Variants in KIAA1217 observed in about 807,000 individuals in gnomAD.
The protein encoded by KIAA1217 is sickle tail protein homolog.
In KIAA1217, 88 loss-of-function variants were observed where a neutral mutation model predicts 163.9. That is an observed-to-expected ratio of 0.54 (90% CI 0.45 to 0.64). The LOEUF (loss-of-function observed/expected upper bound fraction) is 0.64, where lower values mean the gene tolerates loss of function less well. Ranked by LOEUF, KIAA1217 falls within the 30% of genes least tolerant of loss-of-function variation. KIAA1217 has a pLI of 0.00. For synonymous variants in KIAA1217, 903 were observed against 923.1 expected (o/e 0.98, Z 0.39); for missense variants, 2,372 against 2,475.0 (o/e 0.96, Z 0.88).
chr10:23,766,565 T>A (rs1367661106), intron 1 of KIAA1217, among the ~76,000 whole-genome samples: 6 of 150,934 alleles, frequency 4.0e-5, no homozygotes, highest in Admixed American at 3.9e-4. Flanking sequence ...TTCTTTTTCT[T>A]TTCTTTTTTT....
chr10:24,048,588 G>C (rs1331120332), intron 2 of KIAA1217, among the ~76,000 whole-genome samples: 1 of 152,074 alleles, frequency 6.6e-6, no homozygotes, highest in African/African-American at 2.4e-5. Flanking sequence ...AAATTAGCCA[G>C]GCGTGGTGGC....
chr10:23,800,414 G>A (rs954507279), intron 1 of KIAA1217, among the ~76,000 whole-genome samples: 20 of 151,964 alleles, frequency 1.3e-4, no homozygotes, highest in African/African-American at 2.7e-4. Context: ...CTGTGCTTTC[G>A]CTGGAGCTGG....
intron 1 of KIAA1217, among the ~76,000 whole-genome samples, chr10:23,723,792 A>G (rs757665100): frequency 1.3e-5 from 2 of 152,192 alleles, no homozygotes; most frequent in Non-Finnish European, 2.9e-5. Flanking sequence ...AAAAATGTTA[A>G]AATTCATATG....
chr10:24,388,217 A>G (rs1471741472), intron 3 of KIAA1217, among the ~76,000 whole-genome samples: 4 of 152,320 alleles, frequency 2.6e-5, no homozygotes, highest in South Asian at 4.1e-4. Flanking sequence ...ATACAGACCA[A>G]TGGAACAGAA....
chr10:23,903,810 T>C (rs1229138396), intron 1 of KIAA1217, among the ~76,000 whole-genome samples: 3 of 152,086 alleles, frequency 2.0e-5, no homozygotes, highest in Admixed American at 2.0e-4. Flanking sequence ...TTCCTACACC[T>C]CATCACTTTC....
At chr10:24,158,214 T>C (rs2064965372) in intron 2 of KIAA1217, 1 of 735,340 alleles carries the variant, frequency 1.4e-6, no homozygotes, top group Admixed American at 1.7e-5. Flanking sequence ...TTACATCTAC[T>C]CCTGGAACAG....
intron 2 of KIAA1217, among the ~76,000 whole-genome samples, chr10:24,358,247 G>A (rs2049384778): frequency 1.3e-5 from 2 of 152,074 alleles, no homozygotes; most frequent in Non-Finnish European, 2.9e-5. Context: ...TAAATGTTAT[G>A]GAGGCAAAAA....
rs2075753840 is a variant in KIAA1217 at position 24,547,143 on chromosome 10, A to G, written c.*819A>G. On this transcript the variant is annotated 3_prime_UTR_variant, in exon 21 of 21. Coordinates refer to ENST00000376454, the MANE Select transcript of KIAA1217 (RefSeq NM_019590.5). ...CTAACCCCTTCTTTTGTTTTCTGAG[A>G]CCTGGTAACCCACGCTCTTGCATTG... 1 of 143,146 alleles carries G rather than the reference A, an allele frequency of 7.0e-6. No individual in the cohort carries two copies. Among genetic ancestry groups the G allele is most frequent in the Admixed American group, 7.5e-5 (1 of 13,346 alleles). 8.9% of individuals were successfully genotyped at this position (143,146 alleles called of 1,614,324 possible). A position where few individuals can be genotyped will look rare whatever the true frequency, so the allele number is the denominator to read the frequency against.
chr10:23,915,617 A>C (rs919478422), intron 1 of KIAA1217, among the ~76,000 whole-genome samples: 2 of 152,136 alleles, frequency 1.3e-5, no homozygotes, highest in Non-Finnish European at 2.9e-5. Context: ...GTATATAGAA[A>C]TTCTCTGTAC....
chr10:24,114,915 C>T (rs141002818), intron 2 of KIAA1217, among the ~76,000 whole-genome samples: 534 of 152,284 alleles, frequency 3.5e-3, no homozygotes, highest in Non-Finnish European at 5.6e-3. Flanking sequence ...ATAACAAGTT[C>T]CATCCTATCT....
At chr10:24,173,513 G>T (rs1168711756) in intron 2 of KIAA1217, among the ~76,000 whole-genome samples, 1 of 152,104 alleles carries the variant, frequency 6.6e-6, no homozygotes, top group Non-Finnish European at 1.5e-5. Context: ...TGCCAAAAAG[G>T]TTGGGGACCT....
chr10:23,876,060 G>A (rs1214967731), intron 1 of KIAA1217, among the ~76,000 whole-genome samples: 5 of 151,054 alleles, frequency 3.3e-5, no homozygotes, highest in African/African-American at 4.9e-5. Flanking sequence ...TAACAAACCT[G>A]CATGTTGTGC....
At chr10:23,832,578 TC>T (rs1258634763) in intron 1 of KIAA1217, among the ~76,000 whole-genome samples, 6 of 152,072 alleles carry the variant, frequency 3.9e-5, no homozygotes, top group African/African-American at 1.2e-4. Flanking sequence ...GGCAGCCACC[TC>T]CCCATCCTAG....
At chr10:24,370,237 C>T (rs1381630322) in intron 2 of KIAA1217, among the ~76,000 whole-genome samples, 3 of 137,546 alleles carry the variant, frequency 2.2e-5, no homozygotes, top group Non-Finnish European at 3.0e-5. Context: ...TGCACTCCAG[C>T]CTGGGCAACA....
At chr10:24,032,351 C>T (rs889403208) in intron 2 of KIAA1217, among the ~76,000 whole-genome samples, 1 of 152,096 alleles carries the variant, frequency 6.6e-6, no homozygotes, top group Non-Finnish European at 1.5e-5. Flanking sequence ...CCTCGGCCTC[C>T]TAGGTGCAAG....
At chr10:24,542,568 G>T (rs1390555786) in intron 17 of KIAA1217, 125 bp from the exon 18 acceptor site, 2 of 1,530,722 alleles carry the variant, frequency 1.3e-6, no homozygotes, top group Non-Finnish European at 1.8e-6. Context: ...CTTTGGATTG[G>T]TGTGTAAGAA....
At chr10:24,247,770 C>T (rs1174652065) in intron 2 of KIAA1217, among the ~76,000 whole-genome samples, 1 of 152,150 alleles carries the variant, frequency 6.6e-6, no homozygotes, top group Admixed American at 6.6e-5. Context: ...CACTGCCCTC[C>T]AGCCTGGACA....
intron 1 of KIAA1217, among the ~76,000 whole-genome samples, chr10:23,981,756 A>C (rs1845775359): frequency 6.6e-6 from 1 of 152,120 alleles, no homozygotes; most frequent in Non-Finnish European, 1.5e-5. Flanking sequence ...CCTAACACAG[A>C]AGAGAACTGT....
intron 1 of KIAA1217, among the ~76,000 whole-genome samples, chr10:23,755,972 A>C (rs1833899752): frequency 6.6e-6 from 1 of 151,916 alleles, no homozygotes; most frequent in African/African-American, 2.4e-5. Flanking sequence ...AATTTTATGG[A>C]GACAGGGGTT....
Sources: gnomAD v4.1 joint callset for allele counts (sites outside exome capture counted in the v4.1 genomes callset) on GRCh38, gnomAD v4.1.1 for gene constraint, MANE v1.5 for transcripts, NCBI Gene and HGNC (gene_info 2026-07-23, HGNC 2026-07-21) for gene names.